Variants in TCF12 observed in about 807,000 individuals in gnomAD.
The protein encoded by TCF12 is DNA-binding protein HTF4.
A neutral mutation model predicts 86.0 loss-of-function variants in TCF12; 45 were observed. The ratio of observed to expected loss-of-function variants is 0.52; its 90% CI spans 0.41 to 0.67. TCF12 has a LOEUF of 0.67. Ranked by LOEUF, TCF12 falls within the 30% of genes least tolerant of loss-of-function variation. TCF12 has a pLI of 0.00. For synonymous variants in TCF12, 330 were observed against 299.6 expected, an observed-to-expected ratio of 1.10 and a Z score of -1.05; for missense variants, 881 against 859.9, an observed-to-expected ratio of 1.02 and a Z score of -0.31.
chr15:57,007,419 A>G (rs1353827880), intron 3 of TCF12, among the ~76,000 whole-genome samples: 1 of 152,228 alleles, frequency 6.6e-6, no homozygotes, highest in Non-Finnish European at 1.5e-5. Context: ...TGAGGAGGAC[A>G]ATCAGTAAAA....
At chr15:56,934,693 A>T (rs568789352) in intron 3 of TCF12, among the ~76,000 whole-genome samples, 73 of 152,256 alleles carry the variant, frequency 4.8e-4, no homozygotes, top group African/African-American at 1.7e-3. Context: ...ATGCGATTGT[A>T]TTGTTTACAA....
At chr15:57,192,076 A>C in intron 6 of TCF12, 82 bp from the exon 7 acceptor site, 1 of 1,516,054 alleles carries the variant, frequency 6.6e-7, no homozygotes, top group Middle Eastern at 2.4e-4. Flanking sequence ...TGAAGTTGTA[A>C]ATAATTCAGA....
chr15:57,102,665 T>A lies in TCF12; in HGVS notation c.325+10774T>A, dbSNP rs574527110. ...AGTACCAGGTTTTTTCTTTTTTATT[T>A]AAAAAACAAATTCAGACGTGATGGT... is the stretch of plus-strand genomic sequence containing the variant. On this transcript the variant is annotated intron_variant, in intron 5 of 20. Coordinates refer to ENST00000333725, the MANE Select transcript of TCF12 (RefSeq NM_207037.2). Among the ~76,000 whole-genome samples the A allele has an allele frequency of 3.3e-5, 5 of 152,276 alleles. No individual in the cohort carries two copies. The South Asian group carries it at 6.2e-4, about 19-fold the overall frequency.
rs137973660 is a variant in TCF12 at position 57,252,180 on chromosome 15, G to A, written c.1189-241G>A. 3.0e-3 allele frequency: 1,177 copies of A among 392,800 alleles called. 3 individuals carry two copies. The highest frequency in any genetic ancestry group is 3.9e-3 in the Non-Finnish European group (858 of 221,352). 24.3% of individuals were successfully genotyped at this position (392,800 alleles called of 1,614,324 possible). A position where few individuals can be genotyped will look rare whatever the true frequency, so the allele number is the denominator to read the frequency against. ...ACTAACAAAACATTTTAAATTGAAG[G>A]AACGTTTGCTTCTCATATATTTTGC... On this transcript the variant is annotated intron_variant, in intron 14 of 20. Transcript: ENST00000333725.
intron 6 of TCF12, among the ~76,000 whole-genome samples, chr15:57,175,778 A>G (rs996633761): frequency 3.3e-5 from 5 of 152,248 alleles, no homozygotes; most frequent in Non-Finnish European, 1.5e-5. Flanking sequence ...CATGAAGAGC[A>G]TCTTTTAAGT....
At chr15:57,008,611 A>G (rs1170935983) in intron 3 of TCF12, among the ~76,000 whole-genome samples, 1 of 152,178 alleles carries the variant, frequency 6.6e-6, no homozygotes, top group African/African-American at 2.4e-5. Context: ...TTTAGACATT[A>G]GTTTATTGAA....
chr15:57,244,620 C>T (rs1420032060), intron 13 of TCF12, among the ~76,000 whole-genome samples: 11 of 152,010 alleles, frequency 7.2e-5, no homozygotes, highest in South Asian at 4.2e-4. Context: ...CCACCACACC[C>T]GGCTAATTTT....
intron 3 of TCF12, among the ~76,000 whole-genome samples, chr15:57,063,305 T>G (rs2141719265): frequency 6.6e-6 from 1 of 152,200 alleles, no homozygotes; most frequent in East Asian, 1.9e-4. Context: ...TGATCACTGA[T>G]CAGAAAGAAA....
intron 14 of TCF12, 58 bp from the exon 15 acceptor site, chr15:57,252,363 T>A (rs2060156876): frequency 3.0e-6 from 4 of 1,340,402 alleles, no homozygotes; most frequent in East Asian, 2.3e-5. Flanking sequence ...TTTCCTCATC[T>A]CTTTTGGAGT....
At chr15:56,935,462 C>T (rs1210296558) in intron 3 of TCF12, among the ~76,000 whole-genome samples, 1 of 151,836 alleles carries the variant, frequency 6.6e-6, no homozygotes, top group Non-Finnish European at 1.5e-5. Context: ...CCTTTGGTGT[C>T]TCTCTTTTTT....
intron 5 of TCF12, among the ~76,000 whole-genome samples, chr15:57,100,651 A>G (rs2049675065): frequency 6.6e-6 from 1 of 152,130 alleles, no homozygotes; most frequent in Admixed American, 6.5e-5. Flanking sequence ...GTTTCATATT[A>G]AAATTCTCAT....
chr15:57,002,738 C>T (rs1028505162), intron 3 of TCF12, among the ~76,000 whole-genome samples: 2 of 152,192 alleles, frequency 1.3e-5, no homozygotes, highest in Admixed American at 6.5e-5. Context: ...CATTCTCTGT[C>T]TCTATAAGGT....
chr15:57,020,343 C>A (rs1282448207), intron 3 of TCF12, among the ~76,000 whole-genome samples: 3 of 152,058 alleles, frequency 2.0e-5, no homozygotes, highest in African/African-American at 7.2e-5. Flanking sequence ...ACAGTGTAAT[C>A]CCTGTGTTTC....
At chr15:57,184,915 A>G (rs1410716739) in intron 6 of TCF12, among the ~76,000 whole-genome samples, 1 of 151,856 alleles carries the variant, frequency 6.6e-6, no homozygotes, top group Non-Finnish European at 1.5e-5. Context: ...CTATTGTTAT[A>G]TTTATATTGA....
In TCF12 at chr15:57,156,748, A is replaced by G. The variant is rs143973456; in HGVS notation, c.326-9654A>G. Among the ~76,000 whole-genome samples the G allele has an allele frequency of 1.2e-3, 180 of 152,354 alleles. 1 individual carries two copies. The highest frequency in any genetic ancestry group is 4.1e-3 in the African/African-American group (170 of 41,584). On this transcript the variant is annotated intron_variant, in intron 5 of 20. Transcript: ENST00000333725. ...ATCTGCCTTCTGGTCCCTGGGTGCC[A>G]TAAAAAACAGAGTTAAACACTGACC...
chr15:57,095,486 A>C (rs932621506), intron 5 of TCF12, among the ~76,000 whole-genome samples: 1 of 152,286 alleles, frequency 6.6e-6, no homozygotes, highest in African/African-American at 2.4e-5. Context: ...ATAAACTACT[A>C]TTATCTTTTT....
intron 3 of TCF12, among the ~76,000 whole-genome samples, chr15:56,931,201 C>A (rs1350983281): frequency 6.6e-6 from 1 of 151,978 alleles, no homozygotes; most frequent in Non-Finnish European, 1.5e-5. Context: ...TTATATAAAG[C>A]AAATTCTTCT....
intron 5 of TCF12, among the ~76,000 whole-genome samples, chr15:57,110,579 C>G (rs1284771401): frequency 2.0e-5 from 3 of 152,180 alleles, no homozygotes; most frequent in African/African-American, 4.8e-5. Flanking sequence ...ATTGGAGAAG[C>G]TGAGATTTTT....
chr15:57,043,206 G>A (rs965952086), intron 3 of TCF12, among the ~76,000 whole-genome samples: 3 of 151,968 alleles, frequency 2.0e-5, no homozygotes, highest in African/African-American at 7.3e-5. Context: ...TAGACATTTA[G>A]GTTATTTCTA....
Sources: allele counts gnomAD v4.1 joint callset (sites outside exome capture counted in the v4.1 genomes callset), GRCh38; gene constraint gnomAD v4.1.1; transcripts MANE v1.5; gene names NCBI Gene and HGNC (gene_info 2026-07-23, HGNC 2026-07-21).